Variants in PHACTR3 observed in about 807,000 individuals in gnomAD.
The protein encoded by PHACTR3 is protein phosphatase 1, regulatory subunit 123.
PHACTR3 carries 16 observed loss-of-function variants against 66.8 expected under a neutral mutation model. That is an observed-to-expected ratio of 0.24 (90% CI 0.16 to 0.36). The LOEUF (loss-of-function observed/expected upper bound fraction) is 0.36. PHACTR3 is among the 10% of genes least tolerant of loss of function. The pLI, the probability that PHACTR3 is intolerant of heterozygous loss-of-function variation, is 1.00. For synonymous variants in PHACTR3, 323 were observed against 292.1 expected, an observed-to-expected ratio of 1.11 and a Z score of -1.08; for missense variants, 647 against 719.9, an observed-to-expected ratio of 0.90 and a Z score of 1.16.
Position 59,774,459 on chromosome 20 carries a change from C to G in PHACTR3, c.1143C>G (p.Asp381Glu). The G allele has an allele frequency of 6.2e-7, 1 of 1,613,858 alleles. No homozygotes were observed. The highest frequency in any genetic ancestry group is 1.7e-5 in the Admixed American group (1 of 59,996). The stretch of plus-strand genomic sequence containing the variant: ...AAGACGACTTGCTTTTGTATCAGGA[C>G]GAGGAGGCGCTGAACGACTCCATTA... ...ELKDDLLLYQ[D>E]EEALNDSIIS... Residue 381 changes from aspartate to glutamate, a missense_variant, in exon 7 of 13, where the codon GAC (aspartate) becomes GAG (glutamate). Asp to Glu is a conservative substitution (Grantham distance 45, BLOSUM62 2). This residue lies in a region of PHACTR3 where 577 missense variants were observed against 571.1 expected (regional missense o/e 1.01). Coordinates refer to ENST00000371015, the MANE Select transcript of PHACTR3 (RefSeq NM_080672.5).
chr20:59,822,744 C>T (rs1339313402), intron 8 of PHACTR3, among the ~76,000 whole-genome samples: 16 of 152,206 alleles, frequency 1.1e-4, no homozygotes, highest in East Asian at 1.9e-4. Context: ...GCTCGGGCCC[C>T]GTGCTGGGCA....
intron 3 of PHACTR3, among the ~76,000 whole-genome samples, chr20:59,752,961 C>T (rs926974403): frequency 2.0e-5 from 3 of 152,102 alleles, no homozygotes; most frequent in Non-Finnish European, 4.4e-5. Context: ...GCGAGTAAGT[C>T]GGTCACGAGA....
chr20:59,778,153 G>A (rs1281168425), intron 7 of PHACTR3, among the ~76,000 whole-genome samples: 1 of 152,144 alleles, frequency 6.6e-6, no homozygotes, highest in African/African-American at 2.4e-5. Context: ...GCCTGGACTT[G>A]GCCTCCAGGC....
chr20:59,653,295 C>T (rs982370363), intron 1 of PHACTR3, among the ~76,000 whole-genome samples: 5 of 151,932 alleles, frequency 3.3e-5, no homozygotes, highest in Non-Finnish European at 7.4e-5. Context: ...AGCGATTTTC[C>T]TGTCTCAGCC....
chr20:59,812,518 T>G (rs1054477225), intron 8 of PHACTR3, among the ~76,000 whole-genome samples: 1 of 152,106 alleles, frequency 6.6e-6, no homozygotes, highest in Non-Finnish European at 1.5e-5. Flanking sequence ...GCAGGCCTAT[T>G]TTTGGTCCTG....
At chr20:59,783,935 T>C (rs555445330) in intron 7 of PHACTR3, among the ~76,000 whole-genome samples, 1 of 152,390 alleles carries the variant, frequency 6.6e-6, no homozygotes, top group Admixed American at 6.5e-5. Context: ...TCCGTCTCCC[T>C]GGGGCCTGGG....
chr20:59,841,739 T>C (rs2059066012), intron 11 of PHACTR3, among the ~76,000 whole-genome samples: 1 of 152,078 alleles, frequency 6.6e-6, no homozygotes, highest in African/African-American at 2.4e-5. Flanking sequence ...CGAGGGACAT[T>C]TGGCAATGTC....
intron 4 of PHACTR3, among the ~76,000 whole-genome samples, chr20:59,763,599 A>G (rs891083224): frequency 6.6e-6 from 1 of 152,258 alleles, no homozygotes; most frequent in Non-Finnish European, 1.5e-5. Flanking sequence ...AACTGGTAAC[A>G]TATGAGTCTG....
chr20:59,634,186 T>C (rs1555366), intron 1 of PHACTR3, among the ~76,000 whole-genome samples: 120,789 of 152,124 alleles, frequency 0.79, 48,139 homozygotes, highest in East Asian at 0.9. Flanking sequence ...CTTTAGGGGC[T>C]GGAAATATTT....
intron 1 of PHACTR3, among the ~76,000 whole-genome samples, chr20:59,691,417 G>T (rs74311432): frequency 1.3e-5 from 2 of 152,018 alleles, no homozygotes; most frequent in East Asian, 3.9e-4. Context: ...AATGATAATC[G>T]CTTTTCTCTG....
At chr20:59,793,915 G>C (rs2041176377) in intron 7 of PHACTR3, among the ~76,000 whole-genome samples, 1 of 151,942 alleles carries the variant, frequency 6.6e-6, no homozygotes, top group Non-Finnish European at 1.5e-5. Context: ...TGAGGATAAA[G>C]AGTTCAAGAC....
chr20:59,677,243 T>C (rs1272172389), intron 1 of PHACTR3, among the ~76,000 whole-genome samples: 2 of 152,118 alleles, frequency 1.3e-5, no homozygotes, highest in Non-Finnish European at 2.9e-5. Context: ...GTAGAGGAGG[T>C]TTCCCACAGT....
At chr20:59,749,296 A>G (rs1395396355) in intron 3 of PHACTR3, among the ~76,000 whole-genome samples, 2 of 149,426 alleles carry the variant, frequency 1.3e-5, no homozygotes, top group Admixed American at 1.3e-4. Flanking sequence ...TTTCTCATCT[A>G]TTCTAAAAAA....
chr20:59,734,563 C>T (rs2038880183), intron 1 of PHACTR3, among the ~76,000 whole-genome samples: 1 of 152,216 alleles, frequency 6.6e-6, no homozygotes, highest in East Asian at 1.9e-4. Context: ...TTGTTTTTTT[C>T]TGAGACTATA....
chr20:59,591,942 C>T (rs1028039832), intron 1 of PHACTR3, among the ~76,000 whole-genome samples: 2 of 152,146 alleles, frequency 1.3e-5, no homozygotes, highest in African/African-American at 4.8e-5. Context: ...TCTCTGGCTG[C>T]TCCCAGAGAA....
intron 1 of PHACTR3, among the ~76,000 whole-genome samples, chr20:59,607,413 C>T (rs1193896396): frequency 6.6e-6 from 1 of 152,182 alleles, no homozygotes; most frequent in African/African-American, 2.4e-5. Flanking sequence ...GAAAATTGAA[C>T]CTGAAGCTCC....
rs1193062259 is a variant in PHACTR3, at chr20:59,738,508, G to T, written c.119-4599G>T. 6.6e-6 allele frequency among the ~76,000 whole-genome samples: 1 copy of T among 151,734 alleles called. No homozygotes were observed. The highest frequency in any genetic ancestry group is 1.5e-5 in the Non-Finnish European group (1 of 67,960). On this transcript the variant is annotated intron_variant, in intron 1 of 12. Transcript: ENST00000371015. The surrounding 1 kb of genome is among the most constrained non-coding windows in gnomAD (Gnocchi z 4.4). ...GGGATGCTGGTACTGGACCAGGGTTGTTATGATGCAGGTGGCAAAGAAAGT... is the reference window on the plus strand; with the variant it reads ...GGGATGCTGGTACTGGACCAGGGTTTTTATGATGCAGGTGGCAAAGAAAGT...
chr20:59,607,073 G>A (rs2033696270), intron 1 of PHACTR3, among the ~76,000 whole-genome samples: 1 of 152,182 alleles, frequency 6.6e-6, no homozygotes, highest in Admixed American at 6.5e-5. Context: ...CGGGCTCAGG[G>A]AGTATTTTCT....
chr20:59,759,275 G>A (rs572388073), intron 4 of PHACTR3, among the ~76,000 whole-genome samples: 2 of 152,352 alleles, frequency 1.3e-5, no homozygotes, highest in East Asian at 3.9e-4. Flanking sequence ...TCAATGTTCA[G>A]AAGCTTGGCC....
Sources: gnomAD v4.1 joint callset for allele counts (sites outside exome capture counted in the v4.1 genomes callset) on GRCh38, gnomAD v4.1.1 for gene constraint, gnomAD v4.1.1 regional missense constraint, Gnocchi (gnomAD v3.1) non-coding constraint, MANE v1.5 for transcripts, NCBI Gene and HGNC (gene_info 2026-07-23, HGNC 2026-07-21) for gene names.